The following ATP11C variants were observed in gnomAD, a reference collection of about 807,000 sequenced individuals.
ATP11C encodes phospholipid-transporting ATPase IG.
A neutral mutation model predicts 97.4 loss-of-function variants in ATP11C; 36 were observed. The ratio of observed to expected loss-of-function variants is 0.37; its 90% CI spans 0.28 to 0.49. The LOEUF (loss-of-function observed/expected upper bound fraction) is 0.49, where lower values mean the gene tolerates loss of function less well. Ranked by LOEUF, ATP11C falls within the 20% of genes least tolerant of loss-of-function variation. The pLI is 0.98. For synonymous variants in ATP11C, 275 were observed against 290.9 expected, an observed-to-expected ratio of 0.95 and a Z score of 0.56; for missense variants, 730 against 824.6, an observed-to-expected ratio of 0.89 and a Z score of 1.40.
chrX:139,783,369 A>G lies in ATP11C; in HGVS notation c.1667-102T>C. On this transcript the variant is annotated intron_variant, in intron 16 of 29. Coordinates refer to ENST00000682941, the MANE Select transcript of ATP11C (RefSeq NM_001353812.2). Reference sequence around the variant, plus strand: ...GCGGTCTCTCTCACCCAAGTGTTGTATATTCTGAGCACACCTTGCAATACT... The same window carrying G: ...GCGGTCTCTCTCACCCAAGTGTTGTGTATTCTGAGCACACCTTGCAATACT... 4 of 551,931 alleles carry G rather than the reference A, an allele frequency of 7.2e-6. No homozygotes were observed. In the South Asian group the frequency reaches 1.5e-4, roughly 21 times the overall value. The allele number at this position is 551,931 out of a possible 1,213,427, so 45.5% of individuals were successfully genotyped here. A position where few individuals can be genotyped will look rare whatever the true frequency, so the allele number is the denominator to read the frequency against.
intron 1 of ATP11C, among the ~76,000 whole-genome samples, chrX:139,869,886 CA>C (rs59723137): frequency 0.15 from 6,141 of 42,153 alleles, 607 homozygotes; most frequent in African/African-American, 0.38. Context: ...ACTAGACTGG[CA>C]AAAAAAAAAA....
chrX:139,825,992 A>T (rs1297837188), intron 2 of ATP11C, among the ~76,000 whole-genome samples: 1 of 112,237 alleles, frequency 8.9e-6, no homozygotes, highest in African/African-American at 3.2e-5. Context: ...GCCCCATTTC[A>T]CCAACGAGGA....
intron 28 of ATP11C, chrX:139,737,586 T>C (rs1319619514): frequency 5.6e-6 from 1 of 180,154 alleles, no homozygotes; most frequent in African/African-American, 3.1e-5. Flanking sequence ...GCGAAAATGT[T>C]GGTGTGGAAA....
At position 139,850,458 on chromosome X, in the gene ATP11C, A is replaced by AC. The variant is rs1252295498; in HGVS notation, c.28-23636dup. Among the ~76,000 whole-genome samples the AC allele has an allele frequency of 1.8e-4, 20 of 111,970 alleles. No homozygotes were observed. In the East Asian group the frequency reaches 5.3e-3, roughly 30 times the overall value. ...ATAATGTGGCTGAATTGTGTGCATG[A>AC]CCTAGGGCAGGATTTAAGAGCAATG... On this transcript the variant is annotated intron_variant, in intron 1 of 29. Coordinates refer to ENST00000682941, the MANE Select transcript of ATP11C (RefSeq NM_001353812.2).
At chrX:139,814,374 C>G (rs1331665159) in intron 5 of ATP11C, among the ~76,000 whole-genome samples, 1 of 111,582 alleles carries the variant, frequency 9.0e-6, no homozygotes, top group Non-Finnish European at 1.9e-5. Flanking sequence ...TATGACCCAG[C>G]AATTTTCCTC....
At chrX:139,780,908 C>T (rs745604015) in intron 18 of ATP11C, among the ~76,000 whole-genome samples, 17 of 111,425 alleles carry the variant, frequency 1.5e-4, no homozygotes, top group African/African-American at 5.5e-4. Flanking sequence ...AAATAACAGA[C>T]AATGGGGACT....
chrX:139,873,095 C>T (rs993542735), intron 1 of ATP11C, among the ~76,000 whole-genome samples: 1 of 111,942 alleles, frequency 8.9e-6, no homozygotes, highest in Non-Finnish European at 1.9e-5. Flanking sequence ...ATGTCTATGG[C>T]TTCTTGTTTC....
chrX:139,928,122 T>TG (rs1249781083), intron 1 of ATP11C, among the ~76,000 whole-genome samples: 1 of 111,228 alleles, frequency 9.0e-6, no homozygotes, highest in Non-Finnish European at 1.9e-5. Context: ...AGGGCATCAG[T>TG]GCCAATTCTC....
At chrX:139,760,734 G>A (rs1288442904) in intron 22 of ATP11C, among the ~76,000 whole-genome samples, 1 of 111,389 alleles carries the variant, frequency 9.0e-6, no homozygotes, top group African/African-American at 3.3e-5. Flanking sequence ...TATTGTTGAG[G>A]AAACTACTTC....
At chrX:139,842,884 C>A (rs2083856468) in intron 1 of ATP11C, among the ~76,000 whole-genome samples, 1 of 111,860 alleles carries the variant, frequency 8.9e-6, no homozygotes, top group Non-Finnish European at 1.9e-5. Context: ...CTCTAACAAA[C>A]CTTACTTTCC....
At chrX:139,859,202 A>G (rs1413241053) in intron 1 of ATP11C, among the ~76,000 whole-genome samples, 1 of 111,845 alleles carries the variant, frequency 8.9e-6, no homozygotes, top group Non-Finnish European at 1.9e-5. Flanking sequence ...CAGGCTGGGA[A>G]GGATAGGCAG....
intron 12 of ATP11C, among the ~76,000 whole-genome samples, chrX:139,790,969 A>C (rs2082679622): frequency 9.0e-6 from 1 of 111,447 alleles, no homozygotes; most frequent in South Asian, 3.8e-4. Flanking sequence ...GAAACCCACA[A>C]TTTTATCCTC....
At chrX:139,870,973 G>A (rs1273797095) in intron 1 of ATP11C, among the ~76,000 whole-genome samples, 5 of 104,590 alleles carry the variant, frequency 4.8e-5, no homozygotes, top group Admixed American at 1.0e-4. Flanking sequence ...GGAGAATGGC[G>A]TGAACCCGGG....
At chrX:139,808,498 CACAAGA>C (rs1173278666) in intron 5 of ATP11C, among the ~76,000 whole-genome samples, 1 of 111,377 alleles carries the variant, frequency 9.0e-6, no homozygotes, top group Non-Finnish European at 1.9e-5. Context: ...ATATTATATA[CACAAGA>C]ACAAGAATAG....
chrX:139,934,885 A>C (rs1472637131), upstream of ATP11C, among the ~76,000 whole-genome samples: 4 of 111,633 alleles, frequency 3.6e-5, no homozygotes, highest in Admixed American at 3.8e-4. Context: ...CAAATACTGT[A>C]ATTTCTTCAC....
chrX:139,847,462 G>A (rs931457508), intron 1 of ATP11C, among the ~76,000 whole-genome samples: 2 of 108,709 alleles, frequency 1.8e-5, no homozygotes, highest in Admixed American at 9.9e-5. Context: ...ACTTTGGGAA[G>A]CCGAGGTGGG....
At position 139,745,310 on chromosome X, in the gene ATP11C, G is replaced by C. The variant is rs144466146; in HGVS notation, c.2964+412C>G. 2.7e-3 allele frequency among the ~76,000 whole-genome samples: 302 copies of C among 111,223 alleles called. 2 individuals carry two copies. Among genetic ancestry groups the C allele is most frequent in the African/African-American group, 8.0e-3 (245 of 30,616 alleles). The stretch of plus-strand genomic sequence containing the variant: ...AAGAGAATTCCTCTCTTCACATATT[G>C]GGCCAACACTCCAAAGATATGGCAG... On this transcript the variant is annotated intron_variant, in intron 25 of 29. Coordinates refer to ENST00000682941, the MANE Select transcript of ATP11C (RefSeq NM_001353812.2).
At chrX:139,822,308 C>T (rs936849340) in intron 2 of ATP11C, among the ~76,000 whole-genome samples, 12 of 112,029 alleles carry the variant, frequency 1.1e-4, no homozygotes, top group Non-Finnish European at 2.3e-4. Context: ...GCAATCCGCC[C>T]GCCTCAGCCT....
intron 29 of ATP11C, 90 bp from the exon 30 acceptor site, chrX:139,729,052 T>C: frequency 1.4e-6 from 1 of 713,484 alleles, no homozygotes; most frequent in Non-Finnish European, 2.1e-6. Context: ...GTAGTAAATT[T>C]TGTTATGAGA....
Sources: gnomAD v4.1 joint callset for allele counts (sites outside exome capture counted in the v4.1 genomes callset) on GRCh38, gnomAD v4.1.1 for gene constraint, MANE v1.5 for transcripts, NCBI Gene and HGNC (gene_info 2026-07-23, HGNC 2026-07-21) for gene names.